OR1B1: variants seen among roughly 807,000 people sequenced by gnomAD.
OR1B1 encodes the protein olfactory receptor family 1 subfamily B member 1.
For missense variants in OR1B1, 414 were observed against 402.1 expected, an observed-to-expected ratio of 1.03 and a Z score of -0.25; for synonymous variants, 168 against 156.2, an observed-to-expected ratio of 1.08 and a Z score of -0.57.
chr9:122,647,404 T>C, the OR1B1 span, among the ~76,000 whole-genome samples: 5 of 151,976 alleles, frequency 3.3e-5, no homozygotes, highest in South Asian at 4.2e-4. Flanking sequence ...AGTGAAAGCA[T>C]TACTAAGAGG....
At chr9:122,647,803 C>T in the OR1B1 span, among the ~76,000 whole-genome samples, 1 of 152,078 alleles carries the variant, frequency 6.6e-6, no homozygotes, top group South Asian at 2.1e-4. Flanking sequence ...AGCATGATGC[C>T]CAAAGCAAGC....
At chr9:122,649,382 A>C in the OR1B1 span, among the ~76,000 whole-genome samples, 1 of 152,248 alleles carries the variant, frequency 6.6e-6, no homozygotes, top group South Asian at 2.1e-4. Flanking sequence ...CAATGGCAAC[A>C]AAAGCCAAAA....
the OR1B1 span, among the ~76,000 whole-genome samples, chr9:122,644,817 A>T: frequency 2.7e-3 from 405 of 152,010 alleles, 1 homozygote; most frequent in African/African-American, 9.2e-3. Flanking sequence ...TTTCCCAAGG[A>T]CAGGCACACG....
At chr9:122,629,704 G>C (rs950798808), upstream of OR1B1, 8 of 527,206 alleles carry the variant, frequency 1.5e-5, no homozygotes, top group Admixed American at 1.4e-4. Flanking sequence ...CTAGGATTTC[G>C]CTTCCTTAAT....
chr9:122,642,036 G>C, the OR1B1 span, among the ~76,000 whole-genome samples: 3 of 152,048 alleles, frequency 2.0e-5, no homozygotes, highest in Non-Finnish European at 4.4e-5. Context: ...GTGAGAGAAG[G>C]GTAGGAATGT....
At chr9:122,642,783 C>T in the OR1B1 span, among the ~76,000 whole-genome samples, 1 of 152,152 alleles carries the variant, frequency 6.6e-6, no homozygotes, top group East Asian at 1.9e-4. Context: ...ATGATGTAAT[C>T]ACCTAAAGCA....
the OR1B1 span, among the ~76,000 whole-genome samples, chr9:122,646,759 A>G: frequency 1.3e-5 from 2 of 152,160 alleles, no homozygotes; most frequent in Admixed American, 6.5e-5. Flanking sequence ...CAGCTGGAGA[A>G]TTCAACACCC....
chr9:122,629,889 T>G (rs937818643), upstream of OR1B1, among the ~76,000 whole-genome samples: 4 of 152,202 alleles, frequency 2.6e-5, no homozygotes, highest in African/African-American at 9.6e-5. Flanking sequence ...GAAAGAATTA[T>G]CTATATTCAC....
At chr9:122,655,548 A>G in the OR1B1 span, among the ~76,000 whole-genome samples, 1 of 152,154 alleles carries the variant, frequency 6.6e-6, no homozygotes, top group African/African-American at 2.4e-5. Flanking sequence ...AGGGACATGG[A>G]TGGAGCTGGA....
exon 1 of OR1B1, chr9:122,628,805 A>T (rs1830167610): frequency 1.2e-6 from 2 of 1,613,968 alleles, no homozygotes; most frequent in Non-Finnish European, 1.7e-6. Context: ...ACAGGTGGAG[A>T]CTGCTCGGCG....
chr9:122,636,473 G>A, the OR1B1 span, among the ~76,000 whole-genome samples: 2 of 152,086 alleles, frequency 1.3e-5, no homozygotes, highest in Non-Finnish European at 2.9e-5. Context: ...AAAATTAGCC[G>A]AGCCTGGTGG....
At chr9:122,645,955 AC>A in the OR1B1 span, among the ~76,000 whole-genome samples, 1 of 152,148 alleles carries the variant, frequency 6.6e-6, no homozygotes, top group East Asian at 1.9e-4. Flanking sequence ...GACTGATGAA[AC>A]CATCAAAAAT....
At chr9:122,649,751 A>G in the OR1B1 span, among the ~76,000 whole-genome samples, 7 of 152,232 alleles carry the variant, frequency 4.6e-5, no homozygotes, top group African/African-American at 1.4e-4. Flanking sequence ...GGGAAACAAC[A>G]GATGCTGGAG....
the OR1B1 span, among the ~76,000 whole-genome samples, chr9:122,652,685 CTA>C: frequency 5.3e-5 from 8 of 151,650 alleles, no homozygotes; most frequent in Admixed American, 5.3e-4. Flanking sequence ...AACTCAGGTT[CTA>C]TGTTTGTTGT....
chr9:122,638,888 T>C, the OR1B1 span, among the ~76,000 whole-genome samples: 14 of 152,098 alleles, frequency 9.2e-5, no homozygotes, highest in African/African-American at 3.1e-4. Flanking sequence ...AAGGGAGAAA[T>C]CTTCAGCAAG....
chr9:122,644,342 G>A, the OR1B1 span, among the ~76,000 whole-genome samples: 1 of 152,266 alleles, frequency 6.6e-6, no homozygotes, highest in Non-Finnish European at 1.5e-5. Flanking sequence ...TGGACCAGTG[G>A]TAGTGGTGGC....
At chr9:122,635,777 T>G in the OR1B1 span, among the ~76,000 whole-genome samples, 1 of 152,060 alleles carries the variant, frequency 6.6e-6, no homozygotes, top group Non-Finnish European at 1.5e-5. Context: ...TCACAGTAAC[T>G]CCCAAACAAG....
chr9:122,629,969 C>A (rs570896031), upstream of OR1B1, among the ~76,000 whole-genome samples: 23 of 152,202 alleles, frequency 1.5e-4, no homozygotes, highest in Non-Finnish European at 1.6e-4. Flanking sequence ...TCTCTCTGAA[C>A]CTGTATGGAA....
the OR1B1 span, among the ~76,000 whole-genome samples, chr9:122,643,395 T>C: frequency 1.3e-5 from 2 of 152,186 alleles, no homozygotes; most frequent in African/African-American, 4.8e-5. Flanking sequence ...AGCTAGTACC[T>C]GCACAGGAAT....
Sources: allele counts gnomAD v4.1 joint callset (sites outside exome capture counted in the v4.1 genomes callset), GRCh38; gene constraint gnomAD v4.1.1; transcripts MANE v1.5; gene names NCBI Gene and HGNC (gene_info 2026-07-23, HGNC 2026-07-21).